The following DLG2 variants were observed in gnomAD, a reference collection of about 807,000 sequenced individuals.
DLG2 encodes the protein disks large homolog 2.
Under a neutral mutation model 132.5 loss-of-function variants are expected in DLG2, and 45 were observed. That is an observed-to-expected ratio of 0.34 (90% CI 0.27 to 0.44). The LOEUF is 0.44. Among genes scored for constraint, DLG2 ranks in the 20% least tolerant of loss-of-function variants. The pLI is 1.00. For missense variants in DLG2, 1,045 were observed against 1,196.9 expected, an observed-to-expected ratio of 0.87 and a Z score of 1.87; for synonymous variants, 424 against 419.6, an observed-to-expected ratio of 1.01 and a Z score of -0.13.
intron 6 of DLG2, among the ~76,000 whole-genome samples, chr11:84,779,893 A>AC (rs1269623805): frequency 1.3e-5 from 2 of 149,904 alleles, no homozygotes; most frequent in Admixed American, 6.6e-5. Context: ...TCTCTCAACA[A>AC]AAAAAAAAGC....
intron 6 of DLG2, among the ~76,000 whole-genome samples, chr11:84,579,188 C>CGTGT (rs140667305): frequency 0.055 from 8,069 of 145,550 alleles, 332 homozygotes; most frequent in African/African-American, 0.12. Flanking sequence ...GCATTATTCA[C>CGTGT]GTGTGTGTGT....
intron 7 of DLG2, among the ~76,000 whole-genome samples, chr11:84,358,146 T>A (rs1426613): frequency 7.9e-4 from 120 of 152,172 alleles, no homozygotes; most frequent in African/African-American, 2.7e-3. Context: ...AACACATACA[T>A]GTGTGCAGGC....
chr11:84,645,362 C>G (rs1022443336), intron 6 of DLG2, among the ~76,000 whole-genome samples: 8 of 152,044 alleles, frequency 5.3e-5, no homozygotes, highest in African/African-American at 1.7e-4. Context: ...TTATTTTTAC[C>G]CAAAGCCTGA....
intron 19 of DLG2, among the ~76,000 whole-genome samples, chr11:83,546,859 G>A (rs6592123): frequency 0.66 from 100,040 of 151,994 alleles, 33,433 homozygotes; most frequent in Middle Eastern, 0.75. Context: ...CTATCCTGCA[G>A]TGCATATATT....
chr11:85,431,923 G>A (rs751141241), intron 3 of DLG2, among the ~76,000 whole-genome samples: 2 of 152,172 alleles, frequency 1.3e-5, no homozygotes, highest in Non-Finnish European at 2.9e-5. Context: ...CTGGCATCAG[G>A]TCGGTGCCCC....
intron 6 of DLG2, among the ~76,000 whole-genome samples, chr11:84,544,893 T>A (rs1469482769): frequency 6.6e-6 from 1 of 152,200 alleles, no homozygotes; most frequent in Non-Finnish European, 1.5e-5. Flanking sequence ...CAAAAAGTCT[T>A]TGGTGGAATG....
chr11:83,637,726 C>T (rs1217048092), intron 18 of DLG2, among the ~76,000 whole-genome samples: 1 of 152,070 alleles, frequency 6.6e-6, no homozygotes, highest in Non-Finnish European at 1.5e-5. Context: ...CTCTTCTTCC[C>T]TTCATCTATT....
intron 6 of DLG2, among the ~76,000 whole-genome samples, chr11:84,661,581 T>G (rs2099694480): frequency 6.6e-6 from 1 of 152,186 alleles, no homozygotes; most frequent in Non-Finnish European, 1.5e-5. Flanking sequence ...TTATCATCAC[T>G]TAATAATTCA....
intron 3 of DLG2, among the ~76,000 whole-genome samples, chr11:85,427,696 T>A (rs1016312129): frequency 1.1e-4 from 17 of 152,154 alleles, no homozygotes; most frequent in African/African-American, 3.9e-4. Flanking sequence ...AGATCACCAA[T>A]GCTAGGAAGA....
chr11:84,637,039 C>T (rs1037424391), intron 6 of DLG2, among the ~76,000 whole-genome samples: 3 of 151,860 alleles, frequency 2.0e-5, no homozygotes, highest in South Asian at 2.1e-4. Flanking sequence ...CTGCCCATGT[C>T]GGCCTCCCAG....
intron 4 of DLG2, among the ~76,000 whole-genome samples, chr11:85,203,439 C>T (rs2081615173): frequency 6.6e-6 from 1 of 151,748 alleles, no homozygotes; most frequent in Admixed American, 6.6e-5. Flanking sequence ...ATTAGGAAAC[C>T]TAGAAGAAAT....
chr11:83,677,394 C>T (rs1311957861), intron 18 of DLG2, among the ~76,000 whole-genome samples: 1 of 151,948 alleles, frequency 6.6e-6, no homozygotes, highest in Non-Finnish European at 1.5e-5. Context: ...GCATACTATG[C>T]GTTAAGTATT....
intron 3 of DLG2, chr11:85,286,027 G>A (rs2152761530): frequency 2.6e-6 from 1 of 388,086 alleles, no homozygotes; most frequent in South Asian, 1.9e-5. Context: ...CTGTTACAAA[G>A]GAATGTAACT....
chr11:83,889,968 G>T (rs1214358929), intron 15 of DLG2, among the ~76,000 whole-genome samples: 9 of 115,604 alleles, frequency 7.8e-5, no homozygotes, highest in Non-Finnish European at 1.4e-4. Flanking sequence ...TGTGGGGTGG[G>T]GGGAGGGGGG....
chr11:84,034,663 C>G (rs926710314), intron 11 of DLG2, among the ~76,000 whole-genome samples: 6 of 152,108 alleles, frequency 3.9e-5, no homozygotes, highest in Admixed American at 2.6e-4. Context: ...AATGCAGGAA[C>G]AGAGTAAATT....
intron 7 of DLG2, among the ~76,000 whole-genome samples, chr11:84,298,588 C>T (rs905874123): frequency 6.6e-6 from 1 of 152,194 alleles, no homozygotes; most frequent in Non-Finnish European, 1.5e-5. Context: ...TTTGTTTTCT[C>T]ACAAAGCTTC....
intron 7 of DLG2, among the ~76,000 whole-genome samples, chr11:84,524,244 T>C (rs2099313364): frequency 6.6e-6 from 1 of 152,188 alleles, no homozygotes; most frequent in South Asian, 2.1e-4. Context: ...CTTGATGACT[T>C]TGGTTCTAAA....
intron 5 of DLG2, among the ~76,000 whole-genome samples, chr11:85,116,197 T>C (rs1164019803): frequency 6.6e-6 from 1 of 151,960 alleles, no homozygotes; most frequent in Admixed American, 6.6e-5. Flanking sequence ...AGAAATGTAA[T>C]GGATAATTAT....
At chr11:83,471,851 A>T (rs2092073302) in intron 23 of DLG2, 124 bp from the exon 24 acceptor site, 2 of 730,732 alleles carry the variant, frequency 2.7e-6, no homozygotes, top group Admixed American at 2.3e-5. Context: ...ACTTCACTGG[A>T]TAAATTACTC....
Sources: gnomAD v4.1 joint callset for allele counts (sites outside exome capture counted in the v4.1 genomes callset) on GRCh38, gnomAD v4.1.1 for gene constraint, MANE v1.5 for transcripts, NCBI Gene and HGNC (gene_info 2026-07-23, HGNC 2026-07-21) for gene names.